ITSN1: variants seen among roughly 807,000 people sequenced by gnomAD.
The protein encoded by ITSN1 is intersectin 1.
In ITSN1, 58 loss-of-function variants were observed where a neutral mutation model predicts 239.8. That is an observed-to-expected ratio of 0.24 (90% CI 0.20 to 0.30). The LOEUF (loss-of-function observed/expected upper bound fraction) is 0.30. Among genes scored for constraint, ITSN1 ranks in the 10% least tolerant of loss-of-function variants. The probability of loss-of-function intolerance (pLI) is 1.00; values close to 1 mark genes in which losing one functional copy is unlikely to be tolerated. For missense variants in ITSN1, 1,558 were observed against 2,103.3 expected, an observed-to-expected ratio of 0.74 and a Z score of 5.07; for synonymous variants, 780 against 770.8, an observed-to-expected ratio of 1.01 and a Z score of -0.20.
chr21:33,816,064 G>A (rs1401967090), intron 22 of ITSN1, among the ~76,000 whole-genome samples: 3 of 151,790 alleles, frequency 2.0e-5, no homozygotes, highest in Non-Finnish European at 4.4e-5. Flanking sequence ...ATGACGGTGG[G>A]CGCCTGTAAT....
At position 33,757,571 on chromosome 21, in the gene ITSN1, G is replaced by A. The variant is rs1223272231; in HGVS notation, c.724+2174G>A. Among the ~76,000 whole-genome samples, 7 of 152,040 alleles carry A rather than the reference G, an allele frequency of 4.6e-5. No homozygotes were observed. In the East Asian group the frequency reaches 1.2e-3, roughly 25 times the overall value. On this transcript the variant is annotated intron_variant, in intron 8 of 39. Coordinates refer to ENST00000381318, the MANE Select transcript of ITSN1 (RefSeq NM_003024.3). ...AATTTTTTTTCCCTTTATGTACTTA[G>A]GAATCAATATGAAGTATGTTTTATA... is the stretch of plus-strand genomic sequence containing the variant.
At position 33,858,984 on chromosome 21, in the gene ITSN1, A is replaced by G. The variant is rs75072122; in HGVS notation, c.3890+192A>G. 0.075 allele frequency among the ~76,000 whole-genome samples: 11,395 copies of G among 151,734 alleles called. 504 individuals are homozygous for G. Among genetic ancestry groups the G allele is most frequent in the East Asian group, 0.078 (400 of 5,160 alleles). ...CGTGCTTTCTGGAAACGCACTCCGA[A>G]TCTCTCATTGCAAGAGTAGGTTTCC... On this transcript the variant is annotated intron_variant, in intron 31 of 39. Coordinates refer to ENST00000381318, the MANE Select transcript of ITSN1 (RefSeq NM_003024.3).
chr21:33,846,937 G>A (rs1429889677), intron 29 of ITSN1, among the ~76,000 whole-genome samples: 1 of 152,202 alleles, frequency 6.6e-6, no homozygotes, highest in Non-Finnish European at 1.5e-5. Flanking sequence ...ACCACCTTCA[G>A]TACTGTCTAT....
chr21:33,877,227 T>C (rs978219169), intron 34 of ITSN1, among the ~76,000 whole-genome samples: 1 of 151,908 alleles, frequency 6.6e-6, no homozygotes, highest in African/African-American at 2.4e-5. Context: ...CTAATTTTTA[T>C]ATTTTTAGGA....
intron 26 of ITSN1, chr21:33,829,413 C>T: frequency 1.7e-6 from 1 of 583,312 alleles, no homozygotes; most frequent in Non-Finnish European, 3.1e-6. Flanking sequence ...CCACTGAGGG[C>T]TCAAGGATCA....
At chr21:33,679,987 C>T (rs893113662) in intron 1 of ITSN1, among the ~76,000 whole-genome samples, 18 of 151,970 alleles carry the variant, frequency 1.2e-4, no homozygotes, top group African/African-American at 3.6e-4. Context: ...CGTGAGACAC[C>T]GCGCCCAGCC....
At chr21:33,735,012 A>G (rs2066414056) in intron 4 of ITSN1, 32 bp from the exon 5 acceptor site, 2 of 1,582,872 alleles carry the variant, frequency 1.3e-6, no homozygotes, top group Non-Finnish European at 1.7e-6. Context: ...TTATGGTCAC[A>G]GTTGTTCTCA....
chr21:33,885,032 C>G lies in ITSN1; in HGVS notation c.4677-9C>G. ...CTGTTTGGCAACTTTCTGTCTTTTTCTGTCCAAGGACTGCCTGGGTGCAGA... is the reference window on the plus strand; with the variant it reads ...CTGTTTGGCAACTTTCTGTCTTTTTGTGTCCAAGGACTGCCTGGGTGCAGA... On this transcript the variant is annotated splice_polypyrimidine_tract_variant and intron_variant, in intron 36 of 39. Coordinates refer to ENST00000381318, the MANE Select transcript of ITSN1 (RefSeq NM_003024.3). The G allele has an allele frequency of 6.2e-7, 1 of 1,612,834 alleles. No individual in the cohort carries two copies. Among genetic ancestry groups the G allele is most frequent in the Admixed American group, 1.7e-5 (1 of 60,012 alleles).
rs1285131676 is a variant in ITSN1, at chr21:33,652,758, A to C, written c.-33+10045A>C. ...TACCAATGAGTGTGAATGATTATTA[A>C]ATGCCTATTGGCCTTACACAAATTT... On this transcript the variant is annotated intron_variant, in intron 1 of 39. Transcript: ENST00000381318. Among the ~76,000 whole-genome samples, 3 of 152,102 alleles carry C rather than the reference A, an allele frequency of 2.0e-5. No homozygotes were observed. In the East Asian group the frequency reaches 5.8e-4, roughly 29 times the overall value.
chr21:33,723,517 G>A (rs1009368611), intron 4 of ITSN1, among the ~76,000 whole-genome samples: 9 of 152,158 alleles, frequency 5.9e-5, no homozygotes, highest in African/African-American at 2.2e-4. Flanking sequence ...GGGAGGCTGA[G>A]GCAGGAGAAT....
At chr21:33,816,377 C>T (rs2268249) in intron 22 of ITSN1, among the ~76,000 whole-genome samples, 72,815 of 151,948 alleles carry the variant, frequency 0.48, 18,931 homozygotes, top group East Asian at 0.7. Flanking sequence ...AACTTCCTTC[C>T]CCCTCCCCAC....
chr21:33,720,320 A>G (rs1190335989), intron 2 of ITSN1, among the ~76,000 whole-genome samples: 1 of 152,264 alleles, frequency 6.6e-6, no homozygotes, highest in Non-Finnish European at 1.5e-5. Flanking sequence ...TGCTGGGCAC[A>G]TTCACATTTT....
At chr21:33,860,594 G>T (rs963200255) in intron 31 of ITSN1, among the ~76,000 whole-genome samples, 1 of 152,174 alleles carries the variant, frequency 6.6e-6, no homozygotes, top group Non-Finnish European at 1.5e-5. Context: ...CCTCCTGTCG[G>T]CTCTGACTTG....
At chr21:33,654,465 C>T (rs537432436) in intron 1 of ITSN1, among the ~76,000 whole-genome samples, 2 of 152,238 alleles carry the variant, frequency 1.3e-5, no homozygotes, top group East Asian at 1.9e-4. Flanking sequence ...GATTATGAGA[C>T]AAGGTACAAA....
rs752855111 is a variant in ITSN1 at position 33,775,042 on chromosome 21, T to C, written c.1530T>C (p.Ile510=). The C allele has an allele frequency of 3.7e-6, 6 of 1,613,958 alleles. No homozygotes were observed. The East Asian group carries it at 1.3e-4, about 36-fold the overall frequency. The change falls in exon 14 of 40, where the codon ATT becomes ATC. Residue 510 remains isoleucine (I), a synonymous_variant. Transcript: ENST00000381318. ...RCRLTTQRQE[I]ESTNKSRELR... ...GATTGACCACCCAAAGGCAAGAAATTGAGAGCACAAACAAATCTAGAGAGT... is the reference window on the plus strand; with the variant it reads ...GATTGACCACCCAAAGGCAAGAAATCGAGAGCACAAACAAATCTAGAGAGT...
At chr21:33,857,911 C>T (rs2148480577) in intron 30 of ITSN1, among the ~76,000 whole-genome samples, 1 of 152,308 alleles carries the variant, frequency 6.6e-6, no homozygotes, top group Non-Finnish European at 1.5e-5. Context: ...GGAGCAGCCG[C>T]AGCCCAGCCA....
At chr21:33,665,816 T>C (rs548307464) in intron 1 of ITSN1, among the ~76,000 whole-genome samples, 18 of 152,220 alleles carry the variant, frequency 1.2e-4, no homozygotes, top group Non-Finnish European at 2.9e-5. Flanking sequence ...ACGAATGATA[T>C]ATGGTACAGT....
In ITSN1 at chr21:33,893,851, G is replaced by GA. The variant is rs3057470; in HGVS notation, c.*5562dup. 1,812 of 149,732 alleles carry GA rather than the reference G, an allele frequency of 0.012. 44 individuals carry two copies. Among genetic ancestry groups the GA allele is most frequent in the African/African-American group, 0.041 (1,679 of 40,800 alleles). 9.3% of individuals were successfully genotyped at this position (149,732 alleles called of 1,614,324 possible). On this transcript the variant is annotated 3_prime_UTR_variant, in exon 40 of 40. Transcript: ENST00000381318. ...CATAACCTTATATCTGTAGGAGCCA[G>GA]AAAAAAAAAAATCTATTCCTGATAG...
At chr21:33,671,409 C>CCG (rs2090268955) in intron 1 of ITSN1, among the ~76,000 whole-genome samples, 1 of 151,920 alleles carries the variant, frequency 6.6e-6, no homozygotes, top group Non-Finnish European at 1.5e-5. Flanking sequence ...GCCTCAGCCT[C>CCG]CGGAGTAGCT....
Sources: gnomAD v4.1 joint callset for allele counts (sites outside exome capture counted in the v4.1 genomes callset) on GRCh38, gnomAD v4.1.1 for gene constraint, MANE v1.5 for transcripts, NCBI Gene and HGNC (gene_info 2026-07-23, HGNC 2026-07-21) for gene names.